Variants in CNTNAP5 observed in about 807,000 individuals in gnomAD.
CNTNAP5 encodes the protein contactin associated protein family member 5.
A neutral mutation model predicts 150.2 loss-of-function variants in CNTNAP5; 72 were observed. The observed-to-expected ratio is 0.48, with a 90% CI of 0.40 to 0.58. The LOEUF is 0.58. Ranked by LOEUF, CNTNAP5 falls within the 20% of genes least tolerant of loss-of-function variation. CNTNAP5 has a pLI of 0.00. For missense variants in CNTNAP5, 1,636 were observed against 1,626.2 expected, an observed-to-expected ratio of 1.01 and a Z score of -0.10; for synonymous variants, 672 against 619.8, an observed-to-expected ratio of 1.08 and a Z score of -1.25.
At chr2:124,131,919 C>A (rs191120100) in intron 1 of CNTNAP5, among the ~76,000 whole-genome samples, 1 of 152,206 alleles carries the variant, frequency 6.6e-6, no homozygotes, top group Admixed American at 6.5e-5. Flanking sequence ...CAGGCATGAG[C>A]GTGCAATGGG....
intron 14 of CNTNAP5, among the ~76,000 whole-genome samples, chr2:124,756,714 G>T (rs1174445644): frequency 6.6e-6 from 1 of 152,072 alleles, no homozygotes; most frequent in Non-Finnish European, 1.5e-5. Context: ...GTCGACTGAT[G>T]AGAACACATG....
At chr2:124,526,659 C>A (rs925075364) in intron 9 of CNTNAP5, among the ~76,000 whole-genome samples, 3 of 152,144 alleles carry the variant, frequency 2.0e-5, no homozygotes, top group Non-Finnish European at 4.4e-5. Flanking sequence ...TAGTATTAAC[C>A]TTTCCCATAT....
At chr2:124,173,257 T>A (rs1187955332) in intron 1 of CNTNAP5, among the ~76,000 whole-genome samples, 2 of 152,118 alleles carry the variant, frequency 1.3e-5, no homozygotes, top group African/African-American at 4.8e-5. Flanking sequence ...ATAGAACAAC[T>A]AATAACCATG....
intron 5 of CNTNAP5, among the ~76,000 whole-genome samples, chr2:124,438,579 C>T (rs975330197): frequency 1.3e-5 from 2 of 152,062 alleles, no homozygotes; most frequent in South Asian, 4.2e-4. Flanking sequence ...ACCTGGGGGC[C>T]GAGTACAGGG....
chr2:124,663,978 C>G (rs140947190), intron 13 of CNTNAP5, among the ~76,000 whole-genome samples: 5 of 152,234 alleles, frequency 3.3e-5, no homozygotes, highest in Non-Finnish European at 7.4e-5. Flanking sequence ...TCAAGTGGAA[C>G]TTTTCTAACT....
intron 13 of CNTNAP5, among the ~76,000 whole-genome samples, chr2:124,730,834 C>G (rs1046901040): frequency 6.6e-6 from 1 of 151,650 alleles, no homozygotes; most frequent in Admixed American, 6.6e-5. Flanking sequence ...TGTTATATAC[C>G]CTGTAAATAA....
intron 1 of CNTNAP5, among the ~76,000 whole-genome samples, chr2:124,139,624 G>A (rs140284625): frequency 7.2e-5 from 11 of 152,306 alleles, no homozygotes; most frequent in East Asian, 1.9e-4. Context: ...TCCAGAGACC[G>A]GCGAAGGAGA....
At chr2:124,135,753 G>T (rs969250520) in intron 1 of CNTNAP5, among the ~76,000 whole-genome samples, 2 of 152,096 alleles carry the variant, frequency 1.3e-5, no homozygotes, top group Non-Finnish European at 2.9e-5. Context: ...GAAGATCCAG[G>T]CTTCGTTTGT....
intron 1 of CNTNAP5, among the ~76,000 whole-genome samples, chr2:124,212,146 T>G (rs1686030392): frequency 6.6e-6 from 1 of 152,232 alleles, no homozygotes. Context: ...GACAATGACC[T>G]TTTTAAAATA....
intron 4 of CNTNAP5, among the ~76,000 whole-genome samples, chr2:124,421,016 A>C (rs1692090700): frequency 1.3e-5 from 2 of 152,210 alleles, no homozygotes; most frequent in South Asian, 4.1e-4. Context: ...TACTTGATTC[A>C]AAAAGCTATG....
At chr2:124,820,442 T>C (rs1217546574) in intron 19 of CNTNAP5, among the ~76,000 whole-genome samples, 2 of 147,178 alleles carry the variant, frequency 1.4e-5, no homozygotes, top group African/African-American at 5.0e-5. Context: ...TCCTAATCCC[T>C]CTCCTCAGGT....
chr2:124,764,716 T>A (rs878988497), intron 16 of CNTNAP5, among the ~76,000 whole-genome samples: 15 of 152,248 alleles, frequency 9.9e-5, no homozygotes, highest in Admixed American at 4.6e-4. Context: ...TCAGTAATAA[T>A]CATGATATGT....
At chr2:124,699,681 A>G (rs13407611) in intron 13 of CNTNAP5, among the ~76,000 whole-genome samples, 62,143 of 151,714 alleles carry the variant, frequency 0.41, 13,455 homozygotes, top group African/African-American at 0.48. Flanking sequence ...AGGTTAATTG[A>G]TGGAGGTGGT....
At chr2:124,377,277 C>A (rs1355168492) in intron 3 of CNTNAP5, among the ~76,000 whole-genome samples, 1 of 152,050 alleles carries the variant, frequency 6.6e-6, no homozygotes, top group Non-Finnish European at 1.5e-5. Context: ...CAAAAAAGGT[C>A]TCTTCCCATG....
chr2:124,620,549 A>T (rs1012727266), intron 12 of CNTNAP5, among the ~76,000 whole-genome samples: 5 of 152,116 alleles, frequency 3.3e-5, no homozygotes, highest in Non-Finnish European at 5.9e-5. Context: ...ATTCTAGCAC[A>T]TTCTAGCTGT....
chr2:124,097,738 T>C (rs796517570), intron 1 of CNTNAP5, among the ~76,000 whole-genome samples: 37 of 152,188 alleles, frequency 2.4e-4, no homozygotes, highest in African/African-American at 8.7e-4. Flanking sequence ...CACATAAATT[T>C]TGACTTCCGG....
intron 1 of CNTNAP5, among the ~76,000 whole-genome samples, chr2:124,045,589 A>G (rs558850534): frequency 1.3e-5 from 2 of 152,174 alleles, no homozygotes; most frequent in South Asian, 4.2e-4. Flanking sequence ...GGTTTTCTTT[A>G]AGCCAGAGTT....
At chr2:124,909,484 A>T (rs574088126) in intron 22 of CNTNAP5, among the ~76,000 whole-genome samples, 1 of 152,042 alleles carries the variant, frequency 6.6e-6, no homozygotes, top group Non-Finnish European at 1.5e-5. Context: ...TCTCACCATT[A>T]AGCTACACAT....
chr2:124,323,652 T>C (rs1244970189), intron 3 of CNTNAP5, among the ~76,000 whole-genome samples: 1 of 152,112 alleles, frequency 6.6e-6, no homozygotes, highest in Non-Finnish European at 1.5e-5. Flanking sequence ...AAAGGACAGG[T>C]GTGTCTTCCA....
Sources: gnomAD v4.1 joint callset for allele counts (sites outside exome capture counted in the v4.1 genomes callset) on GRCh38, gnomAD v4.1.1 for gene constraint, MANE v1.5 for transcripts, NCBI Gene and HGNC (gene_info 2026-07-23, HGNC 2026-07-21) for gene names.